Variants in PSTPIP2 observed in about 807,000 individuals in gnomAD.
The protein encoded by PSTPIP2 is proline-serine-threonine phosphatase-interacting protein 2.
In PSTPIP2, 33 loss-of-function variants were observed where a neutral mutation model predicts 63.3. That is an observed-to-expected ratio of 0.52 (90% CI 0.40 to 0.70). PSTPIP2 has a LOEUF of 0.70. Ranked by LOEUF, PSTPIP2 falls within the 30% of genes least tolerant of loss-of-function variation. The pLI is 0.00. For missense variants in PSTPIP2, 312 were observed against 400.7 expected (o/e 0.78, Z 1.89); for synonymous variants, 125 against 132.7 (o/e 0.94, Z 0.40).
At chr18:46,037,748 G>A (rs1908032773) in intron 2 of PSTPIP2, among the ~76,000 whole-genome samples, 1 of 152,158 alleles carries the variant, frequency 6.6e-6, no homozygotes, top group Non-Finnish European at 1.5e-5. Flanking sequence ...CACGCTCAGG[G>A]GCTGCATCTC....
At chr18:45,994,177 T>TA (rs1410094482) in intron 9 of PSTPIP2, among the ~76,000 whole-genome samples, 2 of 151,970 alleles carry the variant, frequency 1.3e-5, no homozygotes, top group Non-Finnish European at 1.5e-5. Flanking sequence ...TGTTTTTCCT[T>TA]AAAAAAAGGG....
At chr18:46,019,417 CATTAAGCAG>C (rs1268524355) in intron 3 of PSTPIP2, among the ~76,000 whole-genome samples, 1 of 152,198 alleles carries the variant, frequency 6.6e-6, no homozygotes, top group Admixed American at 6.5e-5. Flanking sequence ...ATTACAAATA[CATTAAGCAG>C]GACAGCCTAA....
chr18:46,064,489 G>A (rs538870454), intron 1 of PSTPIP2, among the ~76,000 whole-genome samples: 17 of 126,604 alleles, frequency 1.3e-4, no homozygotes, highest in South Asian at 4.9e-4. Context: ...AAGTAAAGAC[G>A]GGGTTTCACC....
intron 1 of PSTPIP2, among the ~76,000 whole-genome samples, chr18:46,070,578 A>AT (rs762683122): frequency 2.6e-5 from 4 of 152,190 alleles, no homozygotes; most frequent in Non-Finnish European, 4.4e-5. Flanking sequence ...CAGTGATGTG[A>AT]TCATAGCTCA....
At position 46,011,190 on chromosome 18, in the gene PSTPIP2, T is replaced by C; in HGVS notation, c.345A>G (p.Gln115=). 1 of 1,612,814 alleles carries C rather than the reference T, an allele frequency of 6.2e-7. No individual in the cohort carries two copies. The highest frequency in any genetic ancestry group is 8.5e-7 in the Non-Finnish European group (1 of 1,178,838). ...MEEFREKQKL[Q]RKKTELIMDA... is the part of the protein sequence containing the mutation. ...CGTATGCAAATCCAACCTTTTTTCG[T>C]TGTAGTTTTTGCTTTTCCCTGAATT... Residue 115 remains glutamine, a synonymous_variant, in exon 5 of 15, where the codon CAA becomes CAG. Transcript: ENST00000409746.
chr18:45,985,407 C>T lies in PSTPIP2; in HGVS notation c.*52G>A. 6.2e-7 allele frequency: 1 copy of T among 1,612,302 alleles called. No individual in the cohort carries two copies. Among genetic ancestry groups the T allele is most frequent in the Non-Finnish European group, 8.5e-7 (1 of 1,179,066 alleles). ...CTATAGGTCCTGCTGCTCTGGGTGC[C>T]CTTTCCATATCACAGAAGCACTAGC... On this transcript the variant is annotated 3_prime_UTR_variant, in exon 15 of 15. Coordinates refer to ENST00000409746, the MANE Select transcript of PSTPIP2 (RefSeq NM_024430.4).
At chr18:46,045,970 T>G (rs1278420832) in intron 1 of PSTPIP2, among the ~76,000 whole-genome samples, 1 of 152,168 alleles carries the variant, frequency 6.6e-6, no homozygotes, top group Non-Finnish European at 1.5e-5. Context: ...CAACTTCTTT[T>G]GAAGCTACGG....
chr18:46,054,149 G>A (rs1420527286), intron 1 of PSTPIP2, among the ~76,000 whole-genome samples: 2 of 152,158 alleles, frequency 1.3e-5, no homozygotes, highest in East Asian at 3.9e-4. Flanking sequence ...AAATGGTATA[G>A]TAAAAATACT....
chr18:46,061,848 A>G (rs533060329), intron 1 of PSTPIP2, among the ~76,000 whole-genome samples: 1 of 152,350 alleles, frequency 6.6e-6, no homozygotes, highest in East Asian at 1.9e-4. Context: ...AAGGGCTCAG[A>G]GCAGATTACA....
intron 2 of PSTPIP2, among the ~76,000 whole-genome samples, chr18:46,030,649 T>C (rs551077773): frequency 1.3e-4 from 20 of 152,382 alleles, no homozygotes; most frequent in Non-Finnish European, 2.5e-4. Context: ...TTAATTTGGA[T>C]TCATTTCTTG....
chr18:46,066,423 G>A (rs998363649), intron 1 of PSTPIP2, among the ~76,000 whole-genome samples: 1 of 152,216 alleles, frequency 6.6e-6, no homozygotes, highest in African/African-American at 2.4e-5. Context: ...GAGGTGAGAT[G>A]TTGTGTGTCT....
intron 2 of PSTPIP2, among the ~76,000 whole-genome samples, chr18:46,036,911 C>A (rs1908000812): frequency 6.6e-6 from 1 of 152,060 alleles, no homozygotes; most frequent in South Asian, 2.1e-4. Context: ...CTTAAAAGCA[C>A]CCCATTAGAT....
chr18:46,012,502 C>T (rs1196998223), intron 4 of PSTPIP2, among the ~76,000 whole-genome samples: 1 of 152,178 alleles, frequency 6.6e-6, no homozygotes, highest in African/African-American at 2.4e-5. Context: ...TGGCCAGGCG[C>T]AGTGGCTCAC....
At chr18:45,999,393 A>G in intron 7 of PSTPIP2, 43 bp downstream of exon 7, 1 of 1,564,372 alleles carries the variant, frequency 6.4e-7, no homozygotes, top group Non-Finnish European at 8.8e-7. Context: ...AGCCTGACAT[A>G]GGTCAGTCTC....
At chr18:46,028,508 C>A in intron 2 of PSTPIP2, 2 of 643,008 alleles carry the variant, frequency 3.1e-6, no homozygotes, top group South Asian at 1.4e-5. Context: ...ATGTCGAGGA[C>A]GACGAGGACA....
intron 1 of PSTPIP2, among the ~76,000 whole-genome samples, chr18:46,067,495 T>A (rs1262249888): frequency 8.2e-6 from 1 of 122,140 alleles, no homozygotes; most frequent in African/African-American, 3.3e-5. Flanking sequence ...AGGGCGAGAC[T>A]CTGTCTCAAA....
chr18:46,001,036 A>G (rs2051660122), intron 6 of PSTPIP2, among the ~76,000 whole-genome samples: 1 of 152,260 alleles, frequency 6.6e-6, no homozygotes, highest in Non-Finnish European at 1.5e-5. Flanking sequence ...CAACATGGAT[A>G]AGCCTGAAGG....
intron 1 of PSTPIP2, among the ~76,000 whole-genome samples, chr18:46,070,218 G>A (rs1049997680): frequency 5.3e-5 from 8 of 152,102 alleles, no homozygotes; most frequent in Non-Finnish European, 7.3e-5. Flanking sequence ...CAAGGGGCGG[G>A]GCCATCTCCA....
chr18:46,060,784 G>T (rs1183158403), intron 1 of PSTPIP2, among the ~76,000 whole-genome samples: 1 of 152,214 alleles, frequency 6.6e-6, no homozygotes, highest in Non-Finnish European at 1.5e-5. Flanking sequence ...GAGCAGACAG[G>T]CTTCTACAAT....
Sources: gnomAD v4.1 joint callset for allele counts (sites outside exome capture counted in the v4.1 genomes callset) on GRCh38, gnomAD v4.1.1 for gene constraint, MANE v1.5 for transcripts, NCBI Gene and HGNC (gene_info 2026-07-23, HGNC 2026-07-21) for gene names.